Variants in CHL1 observed in about 807,000 individuals in gnomAD.
CHL1 encodes the protein neural cell adhesion molecule L1-like protein.
A neutral mutation model predicts 141.9 loss-of-function variants in CHL1; 96 were observed. The observed-to-expected ratio is 0.68, with a 90% CI of 0.57 to 0.80. The LOEUF is 0.80. Ranked by LOEUF, CHL1 falls within the 30% of genes least tolerant of loss-of-function variation. CHL1 has a pLI of 0.00. For synonymous variants in CHL1, 613 were observed against 502.2 expected (o/e 1.22, Z -2.95); for missense variants, 1,820 against 1,457.2 (o/e 1.25, Z -4.05).
chr3:252,909 A>C (rs1352485498), intron 2 of CHL1, among the ~76,000 whole-genome samples: 1 of 152,108 alleles, frequency 6.6e-6, no homozygotes, highest in Non-Finnish European at 1.5e-5. Flanking sequence ...ATTAGCATGG[A>C]TTAATTAAGG....
At chr3:283,941 A>G (rs1696890662) in intron 2 of CHL1, among the ~76,000 whole-genome samples, 1 of 152,236 alleles carries the variant, frequency 6.6e-6, no homozygotes, top group Non-Finnish European at 1.5e-5. Flanking sequence ...TAGGGAATTT[A>G]TCAGATGAAT....
intron 20 of CHL1, among the ~76,000 whole-genome samples, chr3:389,751 C>T (rs1223439920): frequency 6.6e-6 from 1 of 152,150 alleles, no homozygotes; most frequent in Non-Finnish European, 1.5e-5. Flanking sequence ...CTGGAATTAT[C>T]ACTGCAATCA....
chr3:232,316 T>C lies in CHL1; in HGVS notation c.-174-12297T>C, dbSNP rs530941433. Reference sequence around the variant, plus strand: ...AGCTCTTTGTACTAAGTTATTTTTATTTCATTTTCATTAACAATATTTTGG... The same window carrying C: ...AGCTCTTTGTACTAAGTTATTTTTACTTCATTTTCATTAACAATATTTTGG... On this transcript the variant is annotated intron_variant, in intron 1 of 27. Coordinates refer to ENST00000256509, the MANE Select transcript of CHL1 (RefSeq NM_006614.4). Among the ~76,000 whole-genome samples the C allele has an allele frequency of 3.9e-5, 6 of 152,342 alleles. No individual in the cohort carries two copies. The South Asian group carries it at 1.2e-3, about 32-fold the overall frequency.
chr3:211,694 G>C (rs903366880), intron 1 of CHL1, among the ~76,000 whole-genome samples: 2 of 152,076 alleles, frequency 1.3e-5, no homozygotes, highest in South Asian at 2.1e-4. Flanking sequence ...CACTTATAAA[G>C]TATTGCACCG....
At chr3:401,390 G>A (rs949849539) in intron 26 of CHL1, among the ~76,000 whole-genome samples, 1 of 152,166 alleles carries the variant, frequency 6.6e-6, no homozygotes, top group African/African-American at 2.4e-5. Flanking sequence ...GTGAAAATAT[G>A]CAACATGCTG....
At chr3:288,161 G>A (rs1399332653) in intron 2 of CHL1, among the ~76,000 whole-genome samples, 1 of 152,106 alleles carries the variant, frequency 6.6e-6, no homozygotes, top group Non-Finnish European at 1.5e-5. Context: ...CTAATTTAAG[G>A]TGACCAAGTT....
chr3:379,124 G>A (rs1252936028), intron 16 of CHL1, among the ~76,000 whole-genome samples: 1 of 152,110 alleles, frequency 6.6e-6, no homozygotes, highest in Non-Finnish European at 1.5e-5. Flanking sequence ...GGGGCCACCT[G>A]TTAGGTTCCA....
At chr3:227,969 C>A (rs563910726) in intron 1 of CHL1, among the ~76,000 whole-genome samples, 9 of 152,304 alleles carry the variant, frequency 5.9e-5, no homozygotes, top group African/African-American at 2.2e-4. Flanking sequence ...ATCTATCCAT[C>A]TATTTGTGTA....
intron 2 of CHL1, among the ~76,000 whole-genome samples, chr3:309,982 A>T (rs1401132604): frequency 6.6e-6 from 1 of 152,194 alleles, no homozygotes; most frequent in African/African-American, 2.4e-5. Context: ...AAAATAAGGG[A>T]CAGACCTTTC....
intron 2 of CHL1, among the ~76,000 whole-genome samples, chr3:253,788 A>G (rs1693914640): frequency 6.6e-6 from 1 of 152,160 alleles, no homozygotes; most frequent in Non-Finnish European, 1.5e-5. Context: ...TTCTCAGTAA[A>G]TATTGGACGA....
rs369191057 is a variant in CHL1 at position 360,663 on chromosome 3, ATG to A, written c.1306+242_1306+243del. On this transcript the variant is annotated intron_variant, in intron 12 of 27. Coordinates refer to ENST00000256509, the MANE Select transcript of CHL1 (RefSeq NM_006614.4). The stretch of plus-strand genomic sequence containing the variant: ...GTGCAGGTTAGTTACATATGTATAC[ATG>A]TGCCATGCTGGTGCGCTGCACCCAC... Among the ~76,000 whole-genome samples, 38 of 150,618 alleles carry A rather than the reference ATG, an allele frequency of 2.5e-4. No homozygotes were observed. The East Asian group carries it at 4.9e-3, about 19-fold the overall frequency.
intron 1 of CHL1, among the ~76,000 whole-genome samples, chr3:235,679 G>A (rs1691898510): frequency 6.6e-6 from 1 of 152,064 alleles, no homozygotes. Flanking sequence ...TCTACTTCCA[G>A]GGGAGGCCAT....
chr3:401,635 A>G lies in CHL1; in HGVS notation c.3395A>G (p.Lys1132Arg), dbSNP rs1434811031. ...NRGGKYSVKE[K>R]EDLHPDPEIQ... ...TTTTTCTCTTTTTTAGTTAAAGAAA[A>G]GGAAGATTTGCATCCAGACCCAGAA... The change falls in exon 27 of 28, where the codon AAG (lysine) becomes AGG (arginine). Residue 1132 changes from lysine to arginine, a missense_variant. Physicochemically the swap from Lys to Arg is conservative, Grantham distance 26. Transcript: ENST00000256509. The G allele has an allele frequency of 6.3e-7, 1 of 1,587,964 alleles. No homozygotes were observed. The highest frequency in any genetic ancestry group is 2.2e-5 in the East Asian group (1 of 44,526).
chr3:250,636 CTG>C (rs1482799564), intron 2 of CHL1, among the ~76,000 whole-genome samples: 1 of 152,118 alleles, frequency 6.6e-6, no homozygotes, highest in Non-Finnish European at 1.5e-5. Flanking sequence ...AGAGCTCTTT[CTG>C]TGTTTGCTGC....
chr3:208,735 C>T (rs939744137), intron 1 of CHL1, among the ~76,000 whole-genome samples: 11 of 152,116 alleles, frequency 7.2e-5, no homozygotes, highest in African/African-American at 1.9e-4. Flanking sequence ...CTCCTAAAAC[C>T]GAAGTGGAAA....
At chr3:382,696 T>A in intron 18 of CHL1, 25 bp downstream of exon 18, 1 of 1,596,398 alleles carries the variant, frequency 6.3e-7, no homozygotes. Context: ...ACATCAGGTT[T>A]CTAACAAAAT....
At chr3:333,265 C>A (rs1202141562) in intron 5 of CHL1, among the ~76,000 whole-genome samples, 1 of 151,374 alleles carries the variant, frequency 6.6e-6, no homozygotes, top group Non-Finnish European at 1.5e-5. Flanking sequence ...GAATAGTAAC[C>A]CAACCCAATA....
At chr3:289,643 T>C (rs1697485016) in intron 2 of CHL1, among the ~76,000 whole-genome samples, 2 of 152,248 alleles carry the variant, frequency 1.3e-5, no homozygotes, top group South Asian at 4.1e-4. Flanking sequence ...TTATTTTATA[T>C]GTATTTCTGT....
intron 2 of CHL1, among the ~76,000 whole-genome samples, chr3:303,567 T>C (rs1206361723): frequency 6.6e-6 from 1 of 152,186 alleles, no homozygotes; most frequent in Non-Finnish European, 1.5e-5. Context: ...GCTTGTGATT[T>C]TTGCACGTTG....
Sources: allele counts gnomAD v4.1 joint callset (sites outside exome capture counted in the v4.1 genomes callset), GRCh38; gene constraint gnomAD v4.1.1; transcripts MANE v1.5; gene names NCBI Gene and HGNC (gene_info 2026-07-23, HGNC 2026-07-21).